The following NR5A2 variants were observed in gnomAD, a reference collection of about 807,000 sequenced individuals.
NR5A2 encodes the protein CYP7A promoter-binding factor.
A neutral mutation model predicts 62.7 loss-of-function variants in NR5A2; 26 were observed. The ratio of observed to expected loss-of-function variants is 0.41; its 90% CI spans 0.30 to 0.58. The LOEUF is 0.58. Among genes scored for constraint, NR5A2 ranks in the 20% least tolerant of loss-of-function variants. The pLI, the probability that NR5A2 is intolerant of heterozygous loss-of-function variation, is 0.22. For missense variants in NR5A2, 541 were observed against 669.1 expected, an observed-to-expected ratio of 0.81 and a Z score of 2.11; for synonymous variants, 246 against 241.7, an observed-to-expected ratio of 1.02 and a Z score of -0.16.
intron 5 of NR5A2, among the ~76,000 whole-genome samples, chr1:200,062,335 A>C (rs183596055): frequency 6.6e-6 from 1 of 151,624 alleles, no homozygotes; most frequent in African/African-American, 2.4e-5. Context: ...ATGTTGGCTC[A>C]TTCTAAGGGC....
chr1:200,061,267 G>A (rs1335999710), intron 5 of NR5A2, among the ~76,000 whole-genome samples: 2 of 147,570 alleles, frequency 1.4e-5, no homozygotes, highest in South Asian at 2.1e-4. Flanking sequence ...CACAACATTC[G>A]GGATTAACTT....
chr1:200,166,988 C>T (rs1376295643), intron 7 of NR5A2, among the ~76,000 whole-genome samples: 2 of 152,292 alleles, frequency 1.3e-5, no homozygotes, highest in East Asian at 3.9e-4. Context: ...TTCTTAATTT[C>T]ATCATACCTA....
chr1:200,057,154 A>G (rs1461188412), intron 5 of NR5A2, among the ~76,000 whole-genome samples: 1 of 152,218 alleles, frequency 6.6e-6, no homozygotes, highest in Non-Finnish European at 1.5e-5. Flanking sequence ...CAGTAATACA[A>G]GTCCTTTAAG....
intron 5 of NR5A2, among the ~76,000 whole-genome samples, chr1:200,068,660 C>A (rs529302034): frequency 6.6e-6 from 1 of 152,126 alleles, no homozygotes; most frequent in Non-Finnish European, 1.5e-5. Flanking sequence ...AACATTAGAC[C>A]TGGAGCATAC....
In NR5A2 at chr1:200,175,796, T is replaced by G. The variant is rs1278673873; in HGVS notation, c.*1586T>G. 3.3e-5 allele frequency: 5 copies of G among 152,628 alleles called. No homozygotes were observed. Among genetic ancestry groups the G allele is most frequent in the Non-Finnish European group, 5.9e-5 (4 of 68,034 alleles). The allele number at this position is 152,628 out of a possible 1,614,324, so 9.5% of individuals were successfully genotyped here. The stretch of plus-strand genomic sequence containing the variant: ...CAAAAACGGGAATCTCATTTAGACT[T>G]TAATTTTTTTGAGATTATCGGCGGC... On this transcript the variant is annotated 3_prime_UTR_variant, in exon 8 of 8. Coordinates refer to ENST00000367362, the MANE Select transcript of NR5A2 (RefSeq NM_205860.3).
chr1:200,037,031 T>G (rs142049194), intron 1 of NR5A2, among the ~76,000 whole-genome samples: 24 of 152,274 alleles, frequency 1.6e-4, no homozygotes, highest in African/African-American at 5.1e-4. Context: ...TGTGGAGAGA[T>G]AAATGAGTGC....
intron 2 of NR5A2, chr1:200,043,134 G>C (rs1307863675): frequency 4.8e-6 from 2 of 420,132 alleles, no homozygotes; most frequent in Non-Finnish European, 6.4e-6. Flanking sequence ...ATTTTCAAAC[G>C]TAAGGAGATG....
intron 7 of NR5A2, among the ~76,000 whole-genome samples, chr1:200,128,287 C>T (rs534226269): frequency 4.2e-4 from 64 of 152,280 alleles, no homozygotes; most frequent in African/African-American, 1.5e-3. Context: ...TGTGGACTCA[C>T]GCAGTTCAAA....
chr1:200,034,756 T>C (rs1391542118), intron 1 of NR5A2, among the ~76,000 whole-genome samples: 2 of 149,832 alleles, frequency 1.3e-5, no homozygotes, highest in African/African-American at 4.9e-5. Flanking sequence ...ATGTCTTAAG[T>C]AGTTATTCAC....
intron 7 of NR5A2, among the ~76,000 whole-genome samples, chr1:200,136,100 T>C (rs1291457534): frequency 2.0e-5 from 3 of 152,210 alleles, no homozygotes; most frequent in Non-Finnish European, 4.4e-5. Context: ...CAAGGTCTAA[T>C]AATAAACAAT....
At chr1:200,061,327 G>A (rs911625187) in intron 5 of NR5A2, among the ~76,000 whole-genome samples, 7 of 139,602 alleles carry the variant, frequency 5.0e-5, no homozygotes, top group Non-Finnish European at 9.0e-5. Context: ...TGCCCAGGCT[G>A]GAGTGTAATG....
intron 7 of NR5A2, among the ~76,000 whole-genome samples, chr1:200,129,664 C>T (rs1231774464): frequency 6.6e-6 from 1 of 152,188 alleles, no homozygotes; most frequent in East Asian, 1.9e-4. Flanking sequence ...GGTGTGAACT[C>T]GTTGCTTTAA....
In NR5A2 at chr1:200,135,071, A is replaced by G. The variant is rs191152777; in HGVS notation, c.1378+14116A>G. On this transcript the variant is annotated intron_variant, in intron 7 of 7. Transcript: ENST00000367362. ...ACAACATTGAAAGTTTAGTGATTTT[A>G]TAATACAAAATGTGACTGGACTCAG... Among the ~76,000 whole-genome samples the G allele has an allele frequency of 1.3e-3, 200 of 152,350 alleles. 1 individual carries two copies. Among genetic ancestry groups the G allele is most frequent in the African/African-American group, 4.2e-3 (176 of 41,590 alleles).
chr1:200,034,723 T>G (rs1661691230), intron 1 of NR5A2, among the ~76,000 whole-genome samples: 1 of 146,926 alleles, frequency 6.8e-6, no homozygotes, highest in Non-Finnish European at 1.5e-5. Flanking sequence ...TCAATCGCCA[T>G]CCTGCTCTAG....
At chr1:200,127,559 C>T (rs1666758390) in intron 7 of NR5A2, among the ~76,000 whole-genome samples, 1 of 150,730 alleles carries the variant, frequency 6.6e-6, no homozygotes, top group African/African-American at 2.4e-5. Flanking sequence ...CACCTGTAAT[C>T]CCAGCTATTT....
At chr1:200,044,133 T>C in intron 3 of NR5A2, 1 of 340,592 alleles carries the variant, frequency 2.9e-6, no homozygotes, top group Non-Finnish European at 5.3e-6. Flanking sequence ...TACTTTATTG[T>C]AGTAAAGTGA....
In NR5A2 at chr1:200,146,450, T is replaced by C. The variant is rs116123899; in HGVS notation, c.1378+25495T>C. The stretch of plus-strand genomic sequence containing the variant: ...TTTTAATGTGATACAGTTGTGATTG[T>C]AACAGGCTGTATAAATAGCCATCAG... On this transcript the variant is annotated intron_variant, in intron 7 of 7. Transcript: ENST00000367362. 3.2e-3 allele frequency among the ~76,000 whole-genome samples: 495 copies of C among 152,336 alleles called. 1 individual carries two copies. Among genetic ancestry groups the C allele is most frequent in the African/African-American group, 0.012 (486 of 41,576 alleles).
intron 1 of NR5A2, among the ~76,000 whole-genome samples, chr1:200,030,320 G>A (rs1661504556): frequency 1.3e-5 from 2 of 152,180 alleles, no homozygotes; most frequent in Non-Finnish European, 2.9e-5. Flanking sequence ...TTTTTAACTA[G>A]GGGCTACATC....
At chr1:200,041,700 C>G (rs923208156) in intron 2 of NR5A2, among the ~76,000 whole-genome samples, 1 of 152,210 alleles carries the variant, frequency 6.6e-6, no homozygotes, top group African/African-American at 2.4e-5. Flanking sequence ...CAAACGCCTA[C>G]TTCGGCTGCA....
Sources: allele counts gnomAD v4.1 joint callset (sites outside exome capture counted in the v4.1 genomes callset), GRCh38; gene constraint gnomAD v4.1.1; transcripts MANE v1.5; gene names NCBI Gene and HGNC (gene_info 2026-07-23, HGNC 2026-07-21).